PCCA: variants seen among roughly 807,000 people sequenced by gnomAD.
The protein encoded by PCCA is propionyl-CoA carboxylase alpha chain, mitochondrial.
PCCA carries 74 observed loss-of-function variants against 101.3 expected under a neutral mutation model. The ratio of observed to expected loss-of-function variants is 0.73; its 90% CI spans 0.61 to 0.89. The LOEUF is 0.89. PCCA is among the 40% of genes least tolerant of loss of function. The pLI is 0.00. For synonymous variants in PCCA, 294 were observed against 313.6 expected (o/e 0.94, Z 0.66); for missense variants, 891 against 907.0 (o/e 0.98, Z 0.23).
At chr13:100,493,992 C>T (rs2085093375) in intron 21 of PCCA, among the ~76,000 whole-genome samples, 1 of 151,772 alleles carries the variant, frequency 6.6e-6, no homozygotes, top group Non-Finnish European at 1.5e-5. Flanking sequence ...AGCTGGTGAC[C>T]ATCCTGGCCA....
At chr13:100,482,960 T>C (rs1375666327) in intron 21 of PCCA, among the ~76,000 whole-genome samples, 2 of 152,236 alleles carry the variant, frequency 1.3e-5, no homozygotes, top group East Asian at 3.9e-4. Context: ...TACTACCATA[T>C]TATCTAATGT....
chr13:100,425,880 A>C (rs1405420994), intron 20 of PCCA, 149 bp downstream of exon 20: 4 of 656,706 alleles, frequency 6.1e-6, no homozygotes, highest in Non-Finnish European at 1.1e-5. Context: ...TTCTTTTCTT[A>C]TTTTAGAGGA....
chr13:100,115,732 G>C (rs568156440), intron 4 of PCCA, among the ~76,000 whole-genome samples: 1 of 152,134 alleles, frequency 6.6e-6, no homozygotes, highest in Non-Finnish European at 1.5e-5. Context: ...CAAAAGAATT[G>C]TTGTTAGGTT....
chr13:100,376,651 T>A (rs1463857271), intron 19 of PCCA, among the ~76,000 whole-genome samples: 5 of 152,152 alleles, frequency 3.3e-5, no homozygotes, highest in African/African-American at 9.7e-5. Flanking sequence ...CAAGCCTCAA[T>A]AATGGTGGAT....
chr13:100,105,571 G>A (rs1317541720), intron 2 of PCCA, among the ~76,000 whole-genome samples: 1 of 147,378 alleles, frequency 6.8e-6, no homozygotes, highest in Admixed American at 6.9e-5. Flanking sequence ...GCCCACGCCT[G>A]TAATCCCAGC....
intron 17 of PCCA, among the ~76,000 whole-genome samples, chr13:100,333,389 A>G (rs1595401009): frequency 6.6e-6 from 1 of 152,232 alleles, no homozygotes; most frequent in East Asian, 1.9e-4. Flanking sequence ...GGCACTATTC[A>G]CAGGCAAGCA....
At chr13:100,495,049 G>A (rs1347084052) in intron 21 of PCCA, among the ~76,000 whole-genome samples, 2 of 151,826 alleles carry the variant, frequency 1.3e-5, no homozygotes, top group Non-Finnish European at 2.9e-5. Flanking sequence ...GGGCAGTATT[G>A]CCCCCGGGCA....
chr13:100,406,982 A>G lies in PCCA; in HGVS notation c.1747-18651A>G, dbSNP rs370018178. On this transcript the variant is annotated intron_variant, in intron 19 of 23. Transcript: ENST00000376285. Reference sequence around the variant, plus strand: ...AAAATTCTATAGCTTATTATAAACCATCTTTTGAAAAGGATTAAAACAAGA... The same window carrying G: ...AAAATTCTATAGCTTATTATAAACCGTCTTTTGAAAAGGATTAAAACAAGA... Among the ~76,000 whole-genome samples the G allele has an allele frequency of 2.1e-3, 320 of 152,354 alleles. 3 individuals carry two copies. The highest frequency in any genetic ancestry group is 7.1e-3 in the African/African-American group (294 of 41,584).
At chr13:100,140,529 C>A (rs1276931072) in intron 4 of PCCA, among the ~76,000 whole-genome samples, 1 of 152,214 alleles carries the variant, frequency 6.6e-6, no homozygotes, top group African/African-American at 2.4e-5. Context: ...TTCTCTCCAT[C>A]AGTGTCCCCA....
chr13:100,338,619 A>G (rs962862078), intron 17 of PCCA, among the ~76,000 whole-genome samples: 16 of 150,890 alleles, frequency 1.1e-4, no homozygotes, highest in Non-Finnish European at 5.9e-5. Context: ...ATCATATGGG[A>G]TGTTTTCATC....
At chr13:100,366,474 T>C (rs1199597204) in intron 18 of PCCA, among the ~76,000 whole-genome samples, 1 of 152,204 alleles carries the variant, frequency 6.6e-6, no homozygotes, top group African/African-American at 2.4e-5. Context: ...GGAATGATTT[T>C]GGTCTTTTAG....
chr13:100,393,995 C>G (rs542966641), intron 19 of PCCA, among the ~76,000 whole-genome samples: 1 of 152,282 alleles, frequency 6.6e-6, no homozygotes, highest in Admixed American at 6.5e-5. Context: ...ATAGTGCAAA[C>G]TCTTAACATT....
At chr13:100,235,533 A>G (rs118070824) in intron 7 of PCCA, among the ~76,000 whole-genome samples, 9 of 152,324 alleles carry the variant, frequency 5.9e-5, no homozygotes, top group Non-Finnish European at 1.2e-4. Context: ...ATGATTCAGT[A>G]TTGATTGTAA....
chr13:100,273,041 T>C (rs1466596623), intron 11 of PCCA, among the ~76,000 whole-genome samples, 155 bp from the exon 12 acceptor site: 1 of 152,212 alleles, frequency 6.6e-6, no homozygotes, highest in Admixed American at 6.5e-5. Context: ...TCAACATATA[T>C]TATAAAACAT....
intron 6 of PCCA, among the ~76,000 whole-genome samples, chr13:100,160,250 C>G (rs991324040): frequency 3.3e-5 from 5 of 152,082 alleles, no homozygotes; most frequent in African/African-American, 4.8e-5. Context: ...TGCCTGTAAT[C>G]CCTGCACTTT....
chr13:100,229,849 G>T (rs2060361445), intron 7 of PCCA, among the ~76,000 whole-genome samples: 1 of 152,176 alleles, frequency 6.6e-6, no homozygotes, highest in Non-Finnish European at 1.5e-5. Flanking sequence ...TTATGTTCCA[G>T]TGCTGTTTCT....
At chr13:100,172,694 G>A (rs559160671) in intron 6 of PCCA, among the ~76,000 whole-genome samples, 3 of 152,340 alleles carry the variant, frequency 2.0e-5, no homozygotes, top group African/African-American at 4.8e-5. Context: ...TTATGAATGC[G>A]TGAGATTTCA....
At chr13:100,247,814 C>A (rs944975706) in intron 8 of PCCA, among the ~76,000 whole-genome samples, 2 of 152,112 alleles carry the variant, frequency 1.3e-5, no homozygotes, top group African/African-American at 2.4e-5. Context: ...CCACATCCAG[C>A]CTTTTTGTGA....
In PCCA at chr13:100,257,606, A is replaced by G. The variant is rs372844772; in HGVS notation, c.649A>G (p.Met217Val). 14 of 1,613,268 alleles carry G rather than the reference A, an allele frequency of 8.7e-6. No homozygotes were observed. In the South Asian group the frequency reaches 9.9e-5, roughly 11 times the overall value. Residue 217 changes from methionine (M) to valine (V), a missense_variant, in exon 9 of 24, where the codon ATG becomes GTG. By Grantham distance (21) the Met-to-Val change is conservative. Transcript: ENST00000376285. ...RIAREIGYPV[M>V]IKASAGGGGK... ...TTCCCTGCTGTTAGGCTACCCTGTC[A>G]TGATCAAGGCCTCAGCAGGTGGTGG...
Sources: allele counts gnomAD v4.1 joint callset (sites outside exome capture counted in the v4.1 genomes callset), GRCh38; gene constraint gnomAD v4.1.1; transcripts MANE v1.5; gene names NCBI Gene and HGNC (gene_info 2026-07-23, HGNC 2026-07-21).